Variants in B4GALT6 observed in about 807,000 individuals in gnomAD.
B4GALT6 encodes UDP-Gal:beta-GlcNAc beta-1,4-galactosyltransferase 6.
A neutral mutation model predicts 46.3 loss-of-function variants in B4GALT6; 14 were observed. The observed-to-expected ratio is 0.30, with a 90% confidence interval of 0.20 to 0.47. The LOEUF is 0.47. Ranked by LOEUF, B4GALT6 falls within the 20% of genes least tolerant of loss-of-function variation. B4GALT6 has a pLI of 0.99. For missense variants in B4GALT6, 386 were observed against 480.1 expected, an observed-to-expected ratio of 0.80 and a Z score of 1.83; for synonymous variants, 168 against 162.0, an observed-to-expected ratio of 1.04 and a Z score of -0.28.
chr18:31,667,501 G>C lies in B4GALT6; in HGVS notation c.116-1129C>G, dbSNP rs1567978428. On this transcript the variant is annotated intron_variant, in intron 1 of 8. Coordinates refer to ENST00000306851, the MANE Select transcript of B4GALT6 (RefSeq NM_004775.5). ...CCAGTTTCTCAAGATGGAATAGAGG[G>C]ATGAGAGAAATTTAATGTTTACTAC... Among the ~76,000 whole-genome samples the C allele has an allele frequency of 2.6e-5, 4 of 152,182 alleles. No individual in the cohort carries two copies. In the East Asian group the frequency reaches 7.7e-4, roughly 29 times the overall value.
intron 4 of B4GALT6, among the ~76,000 whole-genome samples, chr18:31,642,992 T>C (rs1336341874): frequency 1.3e-5 from 2 of 152,232 alleles, no homozygotes; most frequent in Non-Finnish European, 2.9e-5. Flanking sequence ...GCCTCAAATA[T>C]TAAGAATCAA....
the B4GALT6 span, among the ~76,000 whole-genome samples, chr18:31,704,292 T>A: frequency 6.6e-6 from 1 of 151,312 alleles, no homozygotes. Flanking sequence ...TACTGCAACC[T>A]CCACCTCCCA....
In B4GALT6 at chr18:31,666,368, G is replaced by A; in HGVS notation, c.120C>T (p.Asn40=). 6.5e-7 allele frequency: 1 copy of A among 1,545,592 alleles called. No homozygotes were observed. Among genetic ancestry groups the A allele is most frequent in the Non-Finnish European group, 8.8e-7 (1 of 1,131,170 alleles). The change falls in exon 2 of 9, where the codon AAC becomes AAT. Residue 40 remains asparagine, a synonymous_variant. Transcript: ENST00000306851. ...GAGCTTGTACCATAAAGAGATATGT[G>A]TTGGCTATAAAAGAAAAATAGAGAA... ...YFIYVAPGIA[N]TYLFMVQARG...
At chr18:31,635,498 T>C (rs1197089478) in intron 5 of B4GALT6, among the ~76,000 whole-genome samples, 4 of 152,108 alleles carry the variant, frequency 2.6e-5, no homozygotes, top group Non-Finnish European at 5.9e-5. Flanking sequence ...CACAGAAGTA[T>C]GGTATGTTAT....
upstream of B4GALT6, among the ~76,000 whole-genome samples, chr18:31,684,992 C>T (rs1257994463): frequency 6.8e-6 from 1 of 146,890 alleles, no homozygotes; most frequent in Non-Finnish European, 1.5e-5. Flanking sequence ...AGCGTGGGCG[C>T]CGGGGCCGCA....
the B4GALT6 span, among the ~76,000 whole-genome samples, chr18:31,711,734 A>G: frequency 6.6e-6 from 1 of 152,184 alleles, no homozygotes; most frequent in African/African-American, 2.4e-5. Flanking sequence ...CTGTGCACCA[A>G]ATTCTGGAGA....
rs767800559 is a variant in B4GALT6, at chr18:31,684,293, GGT to G, written c.115+17_115+18del. 2 of 1,613,024 alleles carry G rather than the reference GGT, an allele frequency of 1.2e-6. No individual in the cohort carries two copies. The highest frequency in any genetic ancestry group is 1.7e-6 in the Non-Finnish European group (2 of 1,179,444). On this transcript the variant is annotated intron_variant, in intron 1 of 8. Coordinates refer to ENST00000306851, the MANE Select transcript of B4GALT6 (RefSeq NM_004775.5). Reference sequence around the variant, plus strand: ...CTGTGGTGTGACCAGGGGAAGCGAGGGTGTGTCTCGGTGCTTACCGATGCCTG... The same window carrying G: ...CTGTGGTGTGACCAGGGGAAGCGAGGGTGTCTCGGTGCTTACCGATGCCTG...
intron 1 of B4GALT6, among the ~76,000 whole-genome samples, chr18:31,671,071 C>T (rs1179372088): frequency 7.9e-5 from 12 of 152,276 alleles, no homozygotes; most frequent in South Asian, 2.1e-4. Flanking sequence ...CTGCAAAGGA[C>T]GTGAACTCAT....
chr18:31,686,258 A>G (rs1409757377), upstream of B4GALT6: 1 of 152,160 alleles, frequency 6.6e-6, no homozygotes, highest in African/African-American at 2.4e-5. Context: ...TAAATTTGGT[A>G]CGTTTTTATC....
intron 1 of B4GALT6, among the ~76,000 whole-genome samples, chr18:31,667,421 G>A (rs1198421716): frequency 6.6e-6 from 1 of 152,186 alleles, no homozygotes; most frequent in Non-Finnish European, 1.5e-5. Context: ...ACTCTCCAAA[G>A]ATGAATGCTG....
intron 5 of B4GALT6, among the ~76,000 whole-genome samples, chr18:31,632,529 T>G (rs2073804263): frequency 6.6e-6 from 1 of 152,218 alleles, no homozygotes; most frequent in Admixed American, 6.5e-5. Flanking sequence ...CTACATATTT[T>G]GAGGAAATGA....
intron 2 of B4GALT6, 106 bp downstream of exon 2, chr18:31,666,150 T>C (rs553899081): frequency 1.5e-4 from 87 of 578,728 alleles, no homozygotes; most frequent in Non-Finnish European, 1.9e-4. Context: ...TAGGGGAAGA[T>C]ACCTTCTTCA....
At chr18:31,664,140 T>C (rs143563857) in intron 2 of B4GALT6, among the ~76,000 whole-genome samples, 134 of 152,298 alleles carry the variant, frequency 8.8e-4, no homozygotes, top group African/African-American at 3.2e-3. Context: ...GCTTTCCTCC[T>C]TCCTACTGAC....
At chr18:31,723,442 T>C in the B4GALT6 span, among the ~76,000 whole-genome samples, 2 of 152,188 alleles carry the variant, frequency 1.3e-5, no homozygotes, top group Non-Finnish European at 2.9e-5. Flanking sequence ...CTTCTCCCTG[T>C]GTGCACACAG....
At chr18:31,712,249 G>A in the B4GALT6 span, among the ~76,000 whole-genome samples, 1 of 147,720 alleles carries the variant, frequency 6.8e-6, no homozygotes, top group Non-Finnish European at 1.5e-5. Flanking sequence ...GCAGTAGTTC[G>A]GAGTTGCCCT....
At chr18:31,677,733 C>T (rs190621357) in intron 1 of B4GALT6, among the ~76,000 whole-genome samples, 5 of 152,148 alleles carry the variant, frequency 3.3e-5, no homozygotes, top group Admixed American at 3.3e-4. Context: ...AAACACGAAA[C>T]AGATTCAGAG....
At chr18:31,684,815 C>A, upstream of B4GALT6, 2 of 1,012,844 alleles carry the variant, frequency 2.0e-6, no homozygotes, top group Non-Finnish European at 2.4e-6. Context: ...CCGCGGCGCC[C>A]CTGCGGAGAG....
chr18:31,689,424 T>TGATA (rs2030034474), upstream of B4GALT6, among the ~76,000 whole-genome samples: 1 of 152,086 alleles, frequency 6.6e-6, no homozygotes, highest in Non-Finnish European at 1.5e-5. Context: ...TGGTAAGGGA[T>TGATA]GATACTTAAG....
intron 2 of B4GALT6, among the ~76,000 whole-genome samples, chr18:31,660,329 TTCTC>T (rs1450381163): frequency 2.0e-5 from 3 of 152,136 alleles, no homozygotes; most frequent in Non-Finnish European, 4.4e-5. Context: ...AAAAAAGGGC[TTCTC>T]TCTCTATGGG....
Sources: allele counts gnomAD v4.1 joint callset (sites outside exome capture counted in the v4.1 genomes callset), GRCh38; gene constraint gnomAD v4.1.1; transcripts MANE v1.5; gene names NCBI Gene and HGNC (gene_info 2026-07-23, HGNC 2026-07-21).